MINDY2: variants seen among roughly 807,000 people sequenced by gnomAD.
The protein encoded by MINDY2 is MINDY lysine 48 deubiquitinase 2, also known as ubiquitin carboxyl-terminal hydrolase MINDY-2.
A neutral mutation model predicts 68.2 loss-of-function variants in MINDY2; 52 were observed. That is an observed-to-expected ratio of 0.76 (90% CI 0.61 to 0.96). The LOEUF (loss-of-function observed/expected upper bound fraction) is 0.96. Ranked by LOEUF, MINDY2 falls within the 40% of genes least tolerant of loss-of-function variation. MINDY2 has a pLI of 0.00. For missense variants in MINDY2, 881 were observed against 773.4 expected, an observed-to-expected ratio of 1.14 and a Z score of -1.65; for synonymous variants, 372 against 303.0, an observed-to-expected ratio of 1.23 and a Z score of -2.36.
chr15:58,779,687 A>G (rs1184385885), intron 1 of MINDY2, among the ~76,000 whole-genome samples: 1 of 152,222 alleles, frequency 6.6e-6, no homozygotes, highest in Non-Finnish European at 1.5e-5. Flanking sequence ...CAAAAGACTT[A>G]AGTAACATTT....
intron 8 of MINDY2, among the ~76,000 whole-genome samples, chr15:58,853,926 A>G (rs2032955280): frequency 2.0e-5 from 3 of 151,914 alleles, no homozygotes; most frequent in Non-Finnish European, 4.4e-5. Context: ...CATTTTCTAA[A>G]CTTTTAACAA....
At position 58,856,976 on chromosome 15, in the gene MINDY2, A is replaced by C. The variant is rs2033079668; in HGVS notation, c.*2366A>C. 1 of 152,252 alleles carries C rather than the reference A, an allele frequency of 6.6e-6. No homozygotes were observed. Among genetic ancestry groups the C allele is most frequent in the East Asian group, 1.9e-4 (1 of 5,206 alleles). 9.4% of individuals were successfully genotyped at this position (152,252 alleles called of 1,614,324 possible). On this transcript the variant is annotated 3_prime_UTR_variant, in exon 9 of 9. Transcript: ENST00000559228. ...TCCCTCTGGAAGGAAACAAAACAAA[A>C]CAAAACTCACTCAAAACCAGCAGTG...
chr15:58,801,420 A>G (rs1332015990), intron 2 of MINDY2, among the ~76,000 whole-genome samples: 1 of 89,656 alleles, frequency 1.1e-5, no homozygotes, highest in African/African-American at 4.0e-5. Context: ...GATGATAATT[A>G]TATAGGTAGA....
intron 2 of MINDY2, among the ~76,000 whole-genome samples, chr15:58,799,557 C>T (rs1258238649): frequency 2.1e-5 from 3 of 140,662 alleles, no homozygotes; most frequent in African/African-American, 2.7e-5. Flanking sequence ...CCAGCCTGGG[C>T]GACAGAGCGA....
chr15:58,840,845 T>C (rs868148691), intron 6 of MINDY2, among the ~76,000 whole-genome samples: 3,771 of 147,002 alleles, frequency 0.026, 175 homozygotes, highest in African/African-American at 0.087. Flanking sequence ...TTTTTTTGTA[T>C]TTTTAGTAGA....
chr15:58,806,253 T>C (rs955241571), intron 3 of MINDY2, among the ~76,000 whole-genome samples: 3 of 152,150 alleles, frequency 2.0e-5, no homozygotes, highest in Non-Finnish European at 4.4e-5. Context: ...TTTTTATTTT[T>C]AGTAGAGATG....
chr15:58,803,751 G>A (rs1243529599), intron 3 of MINDY2, among the ~76,000 whole-genome samples: 2 of 151,914 alleles, frequency 1.3e-5, no homozygotes, highest in Non-Finnish European at 2.9e-5. Flanking sequence ...GGGAGGCGGA[G>A]GTTGCAGTGA....
intron 6 of MINDY2, among the ~76,000 whole-genome samples, chr15:58,835,290 AG>A (rs2031938213): frequency 6.6e-6 from 1 of 152,196 alleles, no homozygotes; most frequent in African/African-American, 2.4e-5. Context: ...TTTATAAGTT[AG>A]TTGCTTTTAT....
intron 5 of MINDY2, among the ~76,000 whole-genome samples, chr15:58,831,437 C>T (rs1176872124): frequency 2.0e-5 from 3 of 152,098 alleles, no homozygotes; most frequent in Non-Finnish European, 4.4e-5. Context: ...TGACACCTGT[C>T]TTTTTACTTG....
chr15:58,772,715 G>A (rs1900517907), intron 1 of MINDY2, among the ~76,000 whole-genome samples: 2 of 152,036 alleles, frequency 1.3e-5, no homozygotes, highest in South Asian at 4.2e-4. Flanking sequence ...AGAGAATGGT[G>A]ATGGGGAAGA....
At chr15:58,807,247 T>C (rs1903078318) in intron 3 of MINDY2, among the ~76,000 whole-genome samples, 1 of 152,148 alleles carries the variant, frequency 6.6e-6, no homozygotes. Context: ...AGTAAAAGTG[T>C]GTTAAATTTT....
rs1297763011 is a variant in MINDY2 at position 58,831,874 on chromosome 15, G to T, written c.1326G>T (p.Val442=). The change falls in exon 6 of 9, where the codon GTG becomes GTT. Residue 442 remains valine (V), a synonymous_variant. Transcript: ENST00000559228. Reference sequence around the variant, plus strand: ...CGGTTCAGGAAGGAGAACTTTGTGTGTTCTTTCGGAATAATCATTTTAGCA... The same window carrying T: ...CGGTTCAGGAAGGAGAACTTTGTGTTTTCTTTCGGAATAATCATTTTAGCA... ...TSTVQEGELC[V]FFRNNHFSTM... The T allele has an allele frequency of 6.2e-7, 1 of 1,613,576 alleles. No homozygotes were observed. The highest frequency in any genetic ancestry group is 8.5e-7 in the Non-Finnish European group (1 of 1,179,770).
At chr15:58,782,911 GTTTTTTTTTTTTT>G (rs1157376592) in intron 1 of MINDY2, among the ~76,000 whole-genome samples, 1 of 64,470 alleles carries the variant, frequency 1.6e-5, no homozygotes, top group Non-Finnish European at 2.6e-5. Context: ...TTTTCTCTCT[GTTTTTTTTTTTTT>G]TTTTTTTTTT....
intron 8 of MINDY2, among the ~76,000 whole-genome samples, chr15:58,852,287 C>CAAAAAA (rs60365490): frequency 0.016 from 996 of 61,894 alleles, 111 homozygotes; most frequent in African/African-American, 0.048. Context: ...GACTCCTTCT[C>CAAAAAA]AAAAAAAAAA....
intron 1 of MINDY2, among the ~76,000 whole-genome samples, chr15:58,778,722 G>C (rs1040182758): frequency 2.6e-5 from 4 of 151,442 alleles, no homozygotes; most frequent in Non-Finnish European, 4.4e-5. Flanking sequence ...GACCTCCCGA[G>C]CTCAAGCAAT....
Position 58,821,782 on chromosome 15 carries a change from T to A in MINDY2, c.1188T>A (p.Ser396=). ...SYNQLVEKII[S]CKQSDNSELV... is the part of the protein sequence containing the mutation. ...ACCAACTAGTGGAGAAGATCATCTC[T>A]TGTAAACAGTCAGACAATAGTGAGC... Residue 396 remains serine, a synonymous_variant, in exon 5 of 9, where the codon TCT becomes TCA. Transcript: ENST00000559228. The A allele has an allele frequency of 6.3e-7, 1 of 1,592,052 alleles. No homozygotes were observed. Among genetic ancestry groups the A allele is most frequent in the Non-Finnish European group, 8.5e-7 (1 of 1,172,198 alleles).
chr15:58,778,810 CTTTTTTTTTTTT>C (rs1182523003), intron 1 of MINDY2, among the ~76,000 whole-genome samples: 4 of 114,374 alleles, frequency 3.5e-5, no homozygotes, highest in Non-Finnish European at 5.2e-5. Context: ...TTCTTTTTTT[CTTTTTTTTTTTT>C]TTTTTTTTGA....
At position 58,813,624 on chromosome 15, in the gene MINDY2, GA is replaced by G. The variant is rs1474642765; in HGVS notation, c.1122+3237del. On this transcript the variant is annotated intron_variant, in intron 4 of 8. Transcript: ENST00000559228. ...GTGTTTGTTTGTTTGTTTTTTAAGA[GA>G]CAGGGTCTTGCTTTGTTGCCCAGGC... Among the ~76,000 whole-genome samples the G allele has an allele frequency of 8.5e-5, 13 of 152,244 alleles. No homozygotes were observed. In the East Asian group the frequency reaches 2.3e-3, roughly 27 times the overall value.
intron 5 of MINDY2, among the ~76,000 whole-genome samples, chr15:58,824,134 A>G (rs1281364702): frequency 6.6e-6 from 1 of 152,212 alleles, no homozygotes. Flanking sequence ...ATCTTTCCCA[A>G]TTCTGGCTAC....
Sources: gnomAD v4.1 joint callset for allele counts (sites outside exome capture counted in the v4.1 genomes callset) on GRCh38, gnomAD v4.1.1 for gene constraint, MANE v1.5 for transcripts, NCBI Gene and HGNC (gene_info 2026-07-23, HGNC 2026-07-21) for gene names.